The following DPP8 variants were observed in gnomAD, a reference collection of about 807,000 sequenced individuals.
DPP8 encodes DPP VIII.
Under a neutral mutation model 107.5 loss-of-function variants are expected in DPP8, and 31 were observed. The observed-to-expected ratio is 0.29, with a 90% CI of 0.22 to 0.39. The LOEUF (loss-of-function observed/expected upper bound fraction) is 0.39, where lower values mean the gene tolerates loss of function less well. Among genes scored for constraint, DPP8 ranks in the 10% least tolerant of loss-of-function variants. The pLI, the probability that DPP8 is intolerant of heterozygous loss-of-function variation, is 1.00. For missense variants in DPP8, 842 were observed against 1,076.1 expected, an observed-to-expected ratio of 0.78 and a Z score of 3.04; for synonymous variants, 381 against 356.6, an observed-to-expected ratio of 1.07 and a Z score of -0.77.
chr15:65,476,789 T>C (rs2066426746), intron 11 of DPP8, among the ~76,000 whole-genome samples: 3 of 152,038 alleles, frequency 2.0e-5, no homozygotes, highest in Non-Finnish European at 2.9e-5. Context: ...GTGGAACCAA[T>C]CCCAGTGCCC....
chr15:65,494,240 G>T (rs962029140), intron 5 of DPP8, among the ~76,000 whole-genome samples: 2 of 144,432 alleles, frequency 1.4e-5, no homozygotes, highest in African/African-American at 5.2e-5. Flanking sequence ...TCCAAGTCTG[G>T]AGTGCAGTGG....
At chr15:65,506,022 T>C (rs575283529) in intron 3 of DPP8, among the ~76,000 whole-genome samples, 1 of 149,424 alleles carries the variant, frequency 6.7e-6, no homozygotes, top group African/African-American at 2.5e-5. Context: ...AGCACATTCA[T>C]GTTATTCAAT....
At chr15:65,471,086 C>A (rs1229070709) in intron 12 of DPP8, among the ~76,000 whole-genome samples, 3 of 152,262 alleles carry the variant, frequency 2.0e-5, no homozygotes, top group East Asian at 3.9e-4. Flanking sequence ...GGGGTTCCCT[C>A]AGCATTATGT....
intron 19 of DPP8, among the ~76,000 whole-genome samples, chr15:65,450,292 T>C (rs1484558856): frequency 6.6e-6 from 1 of 152,138 alleles, no homozygotes; most frequent in Non-Finnish European, 1.5e-5. Flanking sequence ...TTAAAATATT[T>C]AAAAATTTTC....
chr15:65,481,776 G>A (rs573876468), intron 8 of DPP8, among the ~76,000 whole-genome samples, 161 bp from the exon 9 acceptor site: 3 of 152,074 alleles, frequency 2.0e-5, no homozygotes, highest in African/African-American at 7.2e-5. Context: ...TAAATTCTGG[G>A]TTACCTATAC....
intron 14 of DPP8, among the ~76,000 whole-genome samples, chr15:65,465,086 T>C (rs1232017265): frequency 6.6e-6 from 1 of 152,084 alleles, no homozygotes; most frequent in Non-Finnish European, 1.5e-5. Flanking sequence ...GCAGAGATCA[T>C]CACCATATTA....
intron 9 of DPP8, among the ~76,000 whole-genome samples, chr15:65,480,603 T>G (rs1386923720): frequency 6.6e-6 from 1 of 152,208 alleles, no homozygotes; most frequent in Non-Finnish European, 1.5e-5. Flanking sequence ...GTGGCTTTCT[T>G]GAAATTTCCA....
At chr15:65,483,527 G>A (rs1000580794) in intron 8 of DPP8, among the ~76,000 whole-genome samples, 2 of 151,434 alleles carry the variant, frequency 1.3e-5, no homozygotes, top group African/African-American at 4.9e-5. Context: ...TCTCTTTTTT[G>A]TATTTTTAGT....
In DPP8 at chr15:65,466,713, G is replaced by A; in HGVS notation, c.1790C>T (p.Thr597Ile). 6.2e-7 allele frequency: 1 copy of A among 1,614,086 alleles called. No homozygotes were observed. Among genetic ancestry groups the A allele is most frequent in the Non-Finnish European group, 8.5e-7 (1 of 1,179,962 alleles). ...SSPEDDPTCK[T>I]KEFWATILDS... ...CAAAATGGTGGCCCAAAATTCCTTT[G>A]TTTTGCAAGTTGGGTCATCTTCAGG... Residue 597 changes from threonine to isoleucine, a missense_variant, in exon 14 of 20, where the codon ACA becomes ATA. By Grantham distance (89) the Thr-to-Ile change is moderately conservative (BLOSUM62 -1). Around this residue, in one of 2 missense-constraint regions of DPP8, gnomAD observed 663 missense variants for 758.0 expected, o/e 0.87. Coordinates refer to ENST00000300141, the MANE Select transcript of DPP8 (RefSeq NM_130434.5).
intron 12 of DPP8, among the ~76,000 whole-genome samples, chr15:65,468,324 A>G (rs2065539544): frequency 6.6e-6 from 1 of 152,050 alleles, no homozygotes; most frequent in Non-Finnish European, 1.5e-5. Flanking sequence ...GGGAGACCCC[A>G]TTTCTACAAA....
chr15:65,460,646 T>C (rs2064837389), intron 15 of DPP8, among the ~76,000 whole-genome samples: 1 of 152,240 alleles, frequency 6.6e-6, no homozygotes, highest in Non-Finnish European at 1.5e-5. Context: ...AGTGTTATAC[T>C]ATATGTCAGA....
intron 11 of DPP8, chr15:65,475,193 A>T: frequency 2.2e-6 from 1 of 450,724 alleles, no homozygotes. Context: ...CAATGCAGTG[A>T]TATTTCTGCC....
At chr15:65,476,120 T>A (rs2066366659) in intron 11 of DPP8, among the ~76,000 whole-genome samples, 1 of 152,158 alleles carries the variant, frequency 6.6e-6, no homozygotes, top group South Asian at 2.1e-4. Context: ...GCTTAAAAAG[T>A]GAAAATCATT....
chr15:65,483,422 G>A (rs1213475756), intron 8 of DPP8, among the ~76,000 whole-genome samples: 5 of 151,742 alleles, frequency 3.3e-5, no homozygotes, highest in Middle Eastern at 3.2e-3. Flanking sequence ...CTTAGAAGGC[G>A]GAGGCAGGAG....
At chr15:65,499,045 G>C (rs2068890403) in intron 4 of DPP8, among the ~76,000 whole-genome samples, 1 of 148,498 alleles carries the variant, frequency 6.7e-6, no homozygotes, top group African/African-American at 2.5e-5. Flanking sequence ...ATGACAGCAA[G>C]ACTTTGTCTC....
intron 12 of DPP8, among the ~76,000 whole-genome samples, chr15:65,469,773 T>A (rs1190183599): frequency 6.6e-6 from 1 of 151,314 alleles, no homozygotes; most frequent in Non-Finnish European, 1.5e-5. Flanking sequence ...GAGGCAGAGG[T>A]TGCAGTGGGC....
intron 15 of DPP8, among the ~76,000 whole-genome samples, chr15:65,457,896 T>C (rs558075457): frequency 3.3e-5 from 5 of 152,220 alleles, no homozygotes; most frequent in Non-Finnish European, 7.4e-5. Context: ...TGGGCTCAAG[T>C]AATCCTCCCA....
chr15:65,454,439 C>A, intron 16 of DPP8, 24 bp from the exon 17 acceptor site: 1 of 1,575,784 alleles, frequency 6.3e-7, no homozygotes, highest in South Asian at 1.2e-5. Context: ...GAGAACATTT[C>A]ACTGATTCTG....
intron 7 of DPP8, among the ~76,000 whole-genome samples, chr15:65,487,147 CA>C (rs1214263061): frequency 1.3e-5 from 2 of 151,688 alleles, no homozygotes; most frequent in African/African-American, 4.8e-5. Context: ...CTAGCAAAGA[CA>C]CCTTCTTTTT....
Sources: gnomAD v4.1 joint callset for allele counts (sites outside exome capture counted in the v4.1 genomes callset) on GRCh38, gnomAD v4.1.1 for gene constraint, gnomAD v4.1.1 regional missense constraint, MANE v1.5 for transcripts, NCBI Gene and HGNC (gene_info 2026-07-23, HGNC 2026-07-21) for gene names.